Variants in TGFBR3L observed in about 807,000 individuals in gnomAD.
The protein encoded by TGFBR3L is transforming growth factor beta receptor 3 like.
TGFBR3L carries 21 observed loss-of-function variants against 20.4 expected under a neutral mutation model. The observed-to-expected ratio is 1.03, with a 90% confidence interval of 0.73 to 1.48. The LOEUF is 1.48. Among genes scored for constraint, TGFBR3L ranks in the 40% most tolerant of loss-of-function variants. TGFBR3L has a pLI of 0.00. For synonymous variants in TGFBR3L, 245 were observed against 244.2 expected (o/e 1.00, Z -0.03); for missense variants, 479 against 498.0 (o/e 0.96, Z 0.36).
In TGFBR3L at chr19:7,915,265, C is replaced by T. The variant is rs1003598674; in HGVS notation, c.-1003C>T. On this transcript the variant is annotated 5_prime_UTR_variant, in exon 1 of 6. Transcript: ENST00000565886. ...TGCTGGGATTACAGGTGTGAGCCAC[C>T]GCGCCCCACCGATGTCACTCTCTTT... Among the ~76,000 whole-genome samples, 8 of 152,034 alleles carry T rather than the reference C, an allele frequency of 5.3e-5. No homozygotes were observed. The highest frequency in any genetic ancestry group is 9.7e-5 in the African/African-American group (4 of 41,372).
At chr19:7,918,408 G>T (rs1209946396) in intron 5 of TGFBR3L, among the ~76,000 whole-genome samples, 1 of 151,906 alleles carries the variant, frequency 6.6e-6, no homozygotes, top group Non-Finnish European at 1.5e-5. Flanking sequence ...GGCTAATTTT[G>T]TATTTTTAGT....
intron 5 of TGFBR3L, 144 bp downstream of exon 6, chr19:7,918,273 G>T (rs1157741845): frequency 6.1e-5 from 67 of 1,104,394 alleles, no homozygotes; most frequent in Non-Finnish European, 8.2e-5. Context: ...TTTCGCTCTT[G>T]TTGCCCAGGC....
chr19:7,916,238 G>A lies in TGFBR3L; in HGVS notation c.-30G>A. Reference sequence around the variant, plus strand: ...AGGGGTCGCCAGGGGGCACATCACCGTCAGGGGGGAAAGTGGCGCGGAGCC... The same window carrying A: ...AGGGGTCGCCAGGGGGCACATCACCATCAGGGGGGAAAGTGGCGCGGAGCC... On this transcript the variant is annotated 5_prime_UTR_variant, in exon 1 of 6. Coordinates refer to ENST00000565886, the MANE Select transcript of TGFBR3L (RefSeq NM_001195259.2). The A allele has an allele frequency of 2.6e-6, 4 of 1,525,964 alleles. No homozygotes were observed. Among genetic ancestry groups the A allele is most frequent in the Non-Finnish European group, 3.5e-6 (4 of 1,140,954 alleles). 94.5% of individuals were successfully genotyped at this position (1,525,964 alleles called of 1,614,324 possible).
Position 7,916,104 on chromosome 19 carries a change from G to A in TGFBR3L, c.-164G>A, listed in dbSNP as rs758859140. ...ACCCAGCCGGACCCCACCATCGGGT[G>A]CTCCTCACCGCTTCTCTTCCGCCCC... On this transcript the variant is annotated 5_prime_UTR_variant, in exon 1 of 6. Coordinates refer to ENST00000565886, the MANE Select transcript of TGFBR3L (RefSeq NM_001195259.2). The A allele has an allele frequency of 1.0e-4, 138 of 1,364,692 alleles. No homozygotes were observed. Among genetic ancestry groups the A allele is most frequent in the Non-Finnish European group, 1.2e-4 (128 of 1,038,492 alleles). The allele number at this position is 1,364,692 out of a possible 1,614,324, so 84.5% of individuals were successfully genotyped here.
In TGFBR3L at chr19:7,915,184, A is replaced by G. The variant is rs1356110299; in HGVS notation, c.-1084A>G. Among the ~76,000 whole-genome samples, 1 of 152,174 alleles carries G rather than the reference A, an allele frequency of 6.6e-6. No individual in the cohort carries two copies. The highest frequency in any genetic ancestry group is 2.4e-5 in the African/African-American group (1 of 41,442). On this transcript the variant is annotated 5_prime_UTR_variant, in exon 1 of 6. Coordinates refer to ENST00000565886, the MANE Select transcript of TGFBR3L (RefSeq NM_001195259.2). ...GAGACAGCGTTTCCCCATGTTGGCC[A>G]GGCTGGTCTCGAACTCCTGACCTCA...
In TGFBR3L at chr19:7,915,135, T is replaced by G. The variant is rs1345414010; in HGVS notation, c.-1133T>G. On this transcript the variant is annotated 5_prime_UTR_variant, in exon 1 of 6. Transcript: ENST00000565886. ...GACTACAGGCACGCACCACCACGCCTGGCTAATTGTTGTATTTTTAGTAGA... is the reference window on the plus strand; with the variant it reads ...GACTACAGGCACGCACCACCACGCCGGGCTAATTGTTGTATTTTTAGTAGA... Among the ~76,000 whole-genome samples, 2 of 152,118 alleles carry G rather than the reference T, an allele frequency of 1.3e-5. No homozygotes were observed. The highest frequency in any genetic ancestry group is 2.9e-5 in the Non-Finnish European group (2 of 68,004).
chr19:7,919,016 T>A lies in TGFBR3L; in HGVS notation c.*105T>A. ...CCGCCTCCCTGGACCTCGGACCTGATGAGGCCACGACCCCTGCGCTTCTCT... is the reference window on the plus strand; with the variant it reads ...CCGCCTCCCTGGACCTCGGACCTGAAGAGGCCACGACCCCTGCGCTTCTCT... On this transcript the variant is annotated 3_prime_UTR_variant, in exon 6 of 6. Coordinates refer to ENST00000565886, the MANE Select transcript of TGFBR3L (RefSeq NM_001195259.2). 1 of 398,836 alleles carries A rather than the reference T, an allele frequency of 2.5e-6. No homozygotes were observed. The highest frequency in any genetic ancestry group is 4.4e-5 in the Admixed American group (1 of 22,734). 24.7% of individuals were successfully genotyped at this position (398,836 alleles called of 1,614,324 possible). A position where few individuals can be genotyped will look rare whatever the true frequency, so the allele number is the denominator to read the frequency against.
At chr19:7,917,933 G>C in intron 4 of TGFBR3L, 74 bp downstream of exon 5, 1 of 1,388,524 alleles carries the variant, frequency 7.2e-7, no homozygotes, top group Non-Finnish European at 9.3e-7. Context: ...CCGCGATCCC[G>C]CCTGCGGGGC....
At position 7,916,821 on chromosome 19, in the gene TGFBR3L, G is replaced by A; in HGVS notation, c.476G>A (p.Arg159His). 2 of 1,480,996 alleles carry A rather than the reference G, an allele frequency of 1.4e-6. No individual in the cohort carries two copies. The highest frequency in any genetic ancestry group is 1.8e-6 in the Non-Finnish European group (2 of 1,120,780). 91.7% of individuals were successfully genotyped at this position (1,480,996 alleles called of 1,614,324 possible). A position where few individuals can be genotyped will look rare whatever the true frequency, so the allele number is the denominator to read the frequency against. The change falls in exon 2 of 6, where the codon CGC (arginine) becomes CAC (histidine). Residue 159 changes from arginine to histidine, a missense_variant. Physicochemically the swap from Arg to His is conservative, Grantham distance 29. Transcript: ENST00000565886. Reference sequence around the variant, plus strand: ...CCCGCGCGTTTCAGCTTCCGCCTGCGCCCGGTCTTCAACGCCTCGGTGCAG... The same window carrying A: ...CCCGCGCGTTTCAGCTTCCGCCTGCACCCGGTCTTCAACGCCTCGGTGCAG...
In TGFBR3L at chr19:7,916,744, C is replaced by T; in HGVS notation, c.399C>T (p.Asp133=). The T allele has an allele frequency of 6.7e-7, 1 of 1,491,666 alleles. No homozygotes were observed. Among genetic ancestry groups the T allele is most frequent in the Middle Eastern group, 2.3e-4 (1 of 4,266 alleles). 92.4% of individuals were successfully genotyped at this position (1,491,666 alleles called of 1,614,324 possible). Residue 133 remains aspartate, a synonymous_variant, in exon 2 of 6, where the codon GAC becomes GAT. Coordinates refer to ENST00000565886, the MANE Select transcript of TGFBR3L (RefSeq NM_001195259.2). ...TGCTGCGTGAGGGCTGCCCCGCCGA[C>T]ACCTCTGTCGCCTTCCCGCCACCGC... is the stretch of plus-strand genomic sequence containing the variant.
At chr19:7,918,221 TTG>T (rs1423205124) in intron 5 of TGFBR3L, 92 bp downstream of exon 6, 36 of 750,312 alleles carry the variant, frequency 4.8e-5, no homozygotes, top group Middle Eastern at 3.3e-4. Context: ...TGTGGTTTTT[TTG>T]TTTGTTTGTT....
rs1230589259 is a variant in TGFBR3L, at chr19:7,916,726, T to C, written c.381T>C (p.Arg127=). The C allele has an allele frequency of 6.7e-7, 1 of 1,484,820 alleles. No homozygotes were observed. The highest frequency in any genetic ancestry group is 8.9e-7 in the Non-Finnish European group (1 of 1,124,380). 92.0% of individuals were successfully genotyped at this position (1,484,820 alleles called of 1,614,324 possible). The change falls in exon 2 of 6, where the codon CGT becomes CGC. Residue 127 remains arginine (R), a synonymous_variant. Coordinates refer to ENST00000565886, the MANE Select transcript of TGFBR3L (RefSeq NM_001195259.2). ...CGGGGCCCGCCCTGGCTCTGCTGCG[T>C]GAGGGCTGCCCCGCCGACACCTCTG... is the stretch of plus-strand genomic sequence containing the variant.
Position 7,916,960 on chromosome 19 carries a change from C to A in TGFBR3L, c.597+18C>A. On this transcript the variant is annotated intron_variant, in intron 2 of 5. Transcript: ENST00000565886. ...CATCGCGGGTGCGCGGGCGCAGAGC[C>A]TGGAATCCGGGCGCTGGGGCCCTTC... is the stretch of plus-strand genomic sequence containing the variant. 7.8e-7 allele frequency: 1 copy of A among 1,278,440 alleles called. No individual in the cohort carries two copies. 79.2% of individuals were successfully genotyped at this position (1,278,440 alleles called of 1,614,324 possible). A position where few individuals can be genotyped will look rare whatever the true frequency, so the allele number is the denominator to read the frequency against.
intron 3 of TGFBR3L, 37 bp from the exon 5 acceptor site, chr19:7,917,664 G>A: frequency 7.0e-7 from 1 of 1,424,450 alleles, no homozygotes; most frequent in South Asian, 1.5e-5. Context: ...AGGACGCCTG[G>A]GAGCTGGACC....
intron 5 of TGFBR3L, 137 bp from the exon 7 acceptor site, chr19:7,918,777 CGAG>C (rs1309103784): frequency 1.5e-5 from 6 of 397,020 alleles, no homozygotes; most frequent in African/African-American, 8.2e-5. Flanking sequence ...AGGCACTAGG[CGAG>C]GAGAACTCAG....
Position 7,917,582 on chromosome 19 carries a change from T to G in TGFBR3L, c.707T>G (p.Val236Gly). The change falls in exon 3 of 6, where the codon GTG becomes GGG. Residue 236 changes from valine to glycine, a missense_variant. By Grantham distance (109) the Val-to-Gly change is moderately radical. Transcript: ENST00000565886. Reference sequence around the variant, plus strand: ...CTGACGCAGCCTATCGTGGTCACCGTGCCGCGGCCGCCCCCCAGTGAGCAC... The same window carrying G: ...CTGACGCAGCCTATCGTGGTCACCGGGCCGCGGCCGCCCCCCAGTGAGCAC... The G allele has an allele frequency of 3.4e-6, 5 of 1,484,678 alleles. No individual in the cohort carries two copies. The highest frequency in any genetic ancestry group is 4.5e-6 in the Non-Finnish European group (5 of 1,120,100). The allele number at this position is 1,484,678 out of a possible 1,614,324, so 92.0% of individuals were successfully genotyped here. A position where few individuals can be genotyped will look rare whatever the true frequency, so the allele number is the denominator to read the frequency against.
Position 7,916,607 on chromosome 19 carries a change from G to C in TGFBR3L, c.277-15G>C. On this transcript the variant is annotated splice_polypyrimidine_tract_variant and intron_variant, in intron 1 of 5. Coordinates refer to ENST00000565886, the MANE Select transcript of TGFBR3L (RefSeq NM_001195259.2). ...GTGGGGACGGGCGATCCCTGATGGCGCCTCCGTCCCCCAGGCGGCCTTGGC... is the reference window on the plus strand; with the variant it reads ...GTGGGGACGGGCGATCCCTGATGGCCCCTCCGTCCCCCAGGCGGCCTTGGC... 3 of 1,427,468 alleles carry C rather than the reference G, an allele frequency of 2.1e-6. No homozygotes were observed. Among genetic ancestry groups the C allele is most frequent in the Non-Finnish European group, 2.7e-6 (3 of 1,099,454 alleles). The allele number at this position is 1,427,468 out of a possible 1,614,324, so 88.4% of individuals were successfully genotyped here. A position where few individuals can be genotyped will look rare whatever the true frequency, so the allele number is the denominator to read the frequency against.
chr19:7,918,503 T>G (rs1468131941), intron 5 of TGFBR3L: 3 of 315,332 alleles, frequency 9.5e-6, no homozygotes, highest in African/African-American at 2.1e-5. Flanking sequence ...CCCAAAGTGC[T>G]GAGATTACAG....
chr19:7,917,753 G>T lies in TGFBR3L; in HGVS notation c.777G>T (p.Pro259=), dbSNP rs374527539. The T allele has an allele frequency of 2.8e-6, 4 of 1,435,556 alleles. No homozygotes were observed. The highest frequency in any genetic ancestry group is 2.7e-6 in the Non-Finnish European group (3 of 1,102,312). 88.9% of individuals were successfully genotyped at this position (1,435,556 alleles called of 1,614,324 possible). Reference sequence around the variant, plus strand: ...CAGTGCGCCCTGAGCCTCCCGCGCCGGCCCCCGCGGCCCTGGAACCCGCGC... The same window carrying T: ...CAGTGCGCCCTGAGCCTCCCGCGCCTGCCCCCGCGGCCCTGGAACCCGCGC... The change falls in exon 4 of 6, where the codon CCG becomes CCT. Residue 259 remains proline, a synonymous_variant. Transcript: ENST00000565886.
Sources: allele counts gnomAD v4.1 joint callset (sites outside exome capture counted in the v4.1 genomes callset), GRCh38; gene constraint gnomAD v4.1.1; transcripts MANE v1.5; gene names NCBI Gene and HGNC (gene_info 2026-07-23, HGNC 2026-07-21).